The following SLC25A6 variants were observed in gnomAD, a reference collection of about 807,000 sequenced individuals.
SLC25A6 encodes ADP/ATP translocase 3.
SLC25A6 carries 9 observed loss-of-function variants against 25.7 expected under a neutral mutation model. The ratio of observed to expected loss-of-function variants is 0.35; its 90% CI spans 0.21 to 0.61. SLC25A6 has a LOEUF of 0.61. Ranked by LOEUF, SLC25A6 falls within the 20% of genes least tolerant of loss-of-function variation. The pLI is 0.76. For missense variants in SLC25A6, 404 were observed against 440.5 expected, an observed-to-expected ratio of 0.92 and a Z score of 0.74; for synonymous variants, 223 against 197.0, an observed-to-expected ratio of 1.13 and a Z score of -1.11.
intron 1 of SLC25A6, among the ~76,000 whole-genome samples, chrX:1,391,101 T>C (rs1184602956): frequency 6.6e-6 from 1 of 152,060 alleles, no homozygotes; most frequent in East Asian, 1.9e-4. Flanking sequence ...TCCGGGCCTC[T>C]CAATGCACTG....
At chrX:1,391,774 C>T (rs1486362711) in intron 1 of SLC25A6, 125 bp downstream of exon 1, 2 of 695,024 alleles carry the variant, frequency 2.9e-6, no homozygotes, top group Non-Finnish European at 4.7e-6. Context: ...GGCGCGTGGA[C>T]AAAGCGATCG....
intron 3 of SLC25A6, 137 bp downstream of exon 3, chrX:1,387,142 G>T: frequency 9.2e-7 from 1 of 1,085,522 alleles, no homozygotes. Context: ...CACACAGCCA[G>T]GTTACTTTCG....
chrX:1,388,972 A>G (rs1373718672), intron 2 of SLC25A6, among the ~76,000 whole-genome samples: 1 of 141,962 alleles, frequency 7.0e-6, no homozygotes, highest in Admixed American at 7.1e-5. Context: ...TCTGTTGTTT[A>G]TAGTCACCCA....
At chrX:1,388,906 C>G (rs2089363362) in intron 2 of SLC25A6, among the ~76,000 whole-genome samples, 1 of 151,152 alleles carries the variant, frequency 6.6e-6, no homozygotes, top group African/African-American at 2.4e-5. Context: ...AGGAACCAGC[C>G]CTGCCCACAC....
intron 2 of SLC25A6, among the ~76,000 whole-genome samples, 194 bp downstream of exon 2, chrX:1,389,047 G>A (rs766626856): frequency 1.3e-5 from 2 of 151,668 alleles, no homozygotes; most frequent in East Asian, 1.9e-4. Flanking sequence ...GAGAGGATGA[G>A]GACACAGACA....
intron 2 of SLC25A6, among the ~76,000 whole-genome samples, chrX:1,387,654 C>T (rs1259940227): frequency 6.6e-6 from 1 of 152,228 alleles, no homozygotes; most frequent in African/African-American, 2.4e-5. Context: ...AAGACAGTCC[C>T]AGAGGCCGGG....
chrX:1,392,055 C>T lies in SLC25A6; in HGVS notation c.-46G>A. 6 of 1,452,248 alleles carry T rather than the reference C, an allele frequency of 4.1e-6. No individual in the cohort carries two copies. Among genetic ancestry groups the T allele is most frequent in the Non-Finnish European group, 5.7e-6 (6 of 1,052,196 alleles). The allele number at this position is 1,452,248 out of a possible 1,614,324, so 90.0% of individuals were successfully genotyped here. On this transcript the variant is annotated 5_prime_UTR_variant, in exon 1 of 4. Coordinates refer to ENST00000381401, the MANE Select transcript of SLC25A6 (RefSeq NM_001636.4). The stretch of plus-strand genomic sequence containing the variant: ...AACGGGAGGACAGCCGGAGAACGGG[C>T]GCGGAGAGTGAATGGAGGGCGTCGC...
intron 1 of SLC25A6, among the ~76,000 whole-genome samples, chrX:1,391,340 G>A (rs1371150039): frequency 5.3e-5 from 8 of 152,152 alleles, no homozygotes; most frequent in Admixed American, 3.9e-4. Context: ...ATGTTCCTAG[G>A]CATCATGCTA....
In SLC25A6 at chrX:1,391,770, T is replaced by C. The variant is rs754177918; in HGVS notation, c.111+129A>G. Reference sequence around the variant, plus strand: ...GCGGCCCCCGGAAGCCGGCGGCGCGTGGACAAAGCGATCGCGGCCTTCCAC... The same window carrying C: ...GCGGCCCCCGGAAGCCGGCGGCGCGCGGACAAAGCGATCGCGGCCTTCCAC... On this transcript the variant is annotated intron_variant, in intron 1 of 3. Coordinates refer to ENST00000381401, the MANE Select transcript of SLC25A6 (RefSeq NM_001636.4). The C allele has an allele frequency of 3.7e-5, 25 of 667,526 alleles. 1 individual carries two copies. Among genetic ancestry groups the C allele is most frequent in the Middle Eastern group, 4.2e-4 (1 of 2,372 alleles). The allele number at this position is 667,526 out of a possible 1,614,324, so 41.4% of individuals were successfully genotyped here.
In SLC25A6 at chrX:1,392,099, G is replaced by A. The variant is rs1211971144; in HGVS notation, c.-90C>T. The A allele has an allele frequency of 1.8e-3, 1,749 of 955,910 alleles. 3 individuals are homozygous for A. Among genetic ancestry groups the A allele is most frequent in the Non-Finnish European group, 2.3e-3 (1,428 of 620,578 alleles). 59.2% of individuals were successfully genotyped at this position (955,910 alleles called of 1,614,324 possible). Reference sequence around the variant, plus strand: ...GCGTCGCTGGCTCAGCCCTGCCGCCGCCTGGACCGAAAGGACGGAGCAGCC... The same window carrying A: ...GCGTCGCTGGCTCAGCCCTGCCGCCACCTGGACCGAAAGGACGGAGCAGCC... On this transcript the variant is annotated 5_prime_UTR_variant, in exon 1 of 4. Coordinates refer to ENST00000381401, the MANE Select transcript of SLC25A6 (RefSeq NM_001636.4).
In SLC25A6 at chrX:1,386,496, A is replaced by T. The variant is rs757183699; in HGVS notation, c.*106T>A. 43 of 1,329,558 alleles carry T rather than the reference A, an allele frequency of 3.2e-5. No individual in the cohort carries two copies. The East Asian group carries it at 1.1e-3, about 34-fold the overall frequency. 82.4% of individuals were successfully genotyped at this position (1,329,558 alleles called of 1,614,324 possible). A position where few individuals can be genotyped will look rare whatever the true frequency, so the allele number is the denominator to read the frequency against. The stretch of plus-strand genomic sequence containing the variant: ...TACAGGCAGGATGCGGCTGGGAAAA[A>T]GACAACTGGAATTTCTCGAAGGTTG... On this transcript the variant is annotated 3_prime_UTR_variant, in exon 4 of 4. Transcript: ENST00000381401.
At chrX:1,391,626 G>A (rs2089413283) in intron 1 of SLC25A6, among the ~76,000 whole-genome samples, 1 of 152,226 alleles carries the variant, frequency 6.6e-6, no homozygotes, top group South Asian at 2.1e-4. Flanking sequence ...CGCAGGGTCC[G>A]TCCATGGGCC....
Position 1,386,744 on chromosome X carries a change from G to A in SLC25A6, c.755C>T (p.Thr252Met), listed in dbSNP as rs143212891. The change falls in exon 4 of 4, where the codon ACG becomes ATG. Residue 252 changes from threonine (T) to methionine (M), a missense_variant. Physicochemically the swap from Thr to Met is moderately conservative, Grantham distance 81 (BLOSUM62 -1). Coordinates refer to ENST00000381401, the MANE Select transcript of SLC25A6 (RefSeq NM_001636.4). Reference protein sequence around the residue: ...SGRKGADIMYTGTVDCWRKIF... With the variant: ...SGRKGADIMYMGTVDCWRKIF... Reference sequence around the variant, plus strand: ...CTTCCTCCAACAGTCGACGGTGCCCGTGTACATGATGTCAGCTGCAACGAC... The same window carrying A: ...CTTCCTCCAACAGTCGACGGTGCCCATGTACATGATGTCAGCTGCAACGAC... 95 of 1,606,554 alleles carry A rather than the reference G, an allele frequency of 5.9e-5. No homozygotes were observed. Among genetic ancestry groups the A allele is most frequent in the Admixed American group, 3.5e-4 (20 of 57,926 alleles).
At chrX:1,387,529 G>A (rs1297301610) in intron 2 of SLC25A6, 110 bp from the exon 3 acceptor site, 18 of 1,462,470 alleles carry the variant, frequency 1.2e-5, no homozygotes, top group African/African-American at 8.3e-5. Context: ...GAGCTCTTCC[G>A]AGACCACCAG....
Position 1,392,112 on chromosome X carries a change from G to A in SLC25A6, c.-103C>T, listed in dbSNP as rs1271586607. 8.5e-6 allele frequency: 7 copies of A among 827,962 alleles called. No individual in the cohort carries two copies. In the East Asian group the frequency reaches 8.6e-5, roughly 10 times the overall value. 51.3% of individuals were successfully genotyped at this position (827,962 alleles called of 1,614,324 possible). A position where few individuals can be genotyped will look rare whatever the true frequency, so the allele number is the denominator to read the frequency against. On this transcript the variant is annotated 5_prime_UTR_variant, in exon 1 of 4. Coordinates refer to ENST00000381401, the MANE Select transcript of SLC25A6 (RefSeq NM_001636.4). ...AGCCCTGCCGCCGCCTGGACCGAAA[G>A]GACGGAGCAGCCACCGCGCAGCCGC...
Position 1,386,633 on chromosome X carries a change from AC to A in SLC25A6, c.865del (p.Val289SerfsTer9). The A allele has an allele frequency of 6.3e-7, 1 of 1,596,070 alleles. No homozygotes were observed. ...LRGMGGAFVLVLYDELKKVI is the reference protein window; with the variant it reads ...LRGMGGAFVLXLYDELKKVI ...CACCTTCTTGAGCTCGTCGTACAGG[AC>A]CAGCACGAAGGCGCCCCCCATGCCC... On this transcript the variant is annotated frameshift_variant, in exon 4 of 4. Transcript: ENST00000381401. LOFTEE classifies it high-confidence loss of function.
At chrX:1,389,083 G>A (rs5989744) in intron 2 of SLC25A6, among the ~76,000 whole-genome samples, 158 bp downstream of exon 2, 46,339 of 150,852 alleles carry the variant, frequency 0.31, 7,737 homozygotes, top group African/African-American at 0.44. Context: ...TGCTGTGAGG[G>A]CACAGGGAGA....
At position 1,389,450 on chromosome X, in the gene SLC25A6, A is replaced by C. The variant is rs759578727; in HGVS notation, c.389T>G (p.Phe130Cys). Residue 130 changes from phenylalanine (F) to cysteine (C), a missense_variant, in exon 2 of 4, where the codon TTC becomes TGC. Physicochemically the swap from Phe to Cys is radical, Grantham distance 205 (BLOSUM62 -2). Transcript: ENST00000381401. ...GGAAGATSLC[F>C]VYPLDFARTR... Reference sequence around the variant, plus strand: ...TCTGGCGAAATCCAGCGGGTACACGAAGCAGAGGGAGGTCGCGCCGGCCGC... The same window carrying C: ...TCTGGCGAAATCCAGCGGGTACACGCAGCAGAGGGAGGTCGCGCCGGCCGC... The C allele has an allele frequency of 1.9e-6, 3 of 1,613,868 alleles. No individual in the cohort carries two copies. In the Admixed American group the frequency reaches 5.0e-5, roughly 27 times the overall value.
intron 2 of SLC25A6, among the ~76,000 whole-genome samples, chrX:1,388,811 G>A (rs1297693181): frequency 6.6e-6 from 1 of 151,338 alleles, no homozygotes; most frequent in Admixed American, 6.6e-5. Context: ...AAGAGGAGAT[G>A]AGGACACAGA....
Sources: allele counts gnomAD v4.1 joint callset (sites outside exome capture counted in the v4.1 genomes callset), GRCh38; gene constraint gnomAD v4.1.1; transcripts MANE v1.5; gene names NCBI Gene and HGNC (gene_info 2026-07-23, HGNC 2026-07-21).